The following CCDC88C variants were observed in gnomAD, a reference collection of about 807,000 sequenced individuals.
CCDC88C encodes protein Daple.
In CCDC88C, 131 loss-of-function variants were observed where a neutral mutation model predicts 198.8. That is an observed-to-expected ratio of 0.66 (90% CI 0.57 to 0.76). The LOEUF (loss-of-function observed/expected upper bound fraction) is 0.76, where lower values mean the gene tolerates loss of function less well. Ranked by LOEUF, CCDC88C falls within the 30% of genes least tolerant of loss-of-function variation. The pLI, the probability that CCDC88C is intolerant of heterozygous loss-of-function variation, is 0.00. For missense variants in CCDC88C, 2,553 were observed against 2,631.6 expected (o/e 0.97, Z 0.65); for synonymous variants, 1,166 against 1,114.7 (o/e 1.05, Z -0.92).
At chr14:91,391,930 G>A (rs1021747661) in intron 3 of CCDC88C, among the ~76,000 whole-genome samples, 4 of 151,500 alleles carry the variant, frequency 2.6e-5, no homozygotes, top group South Asian at 2.1e-4. Context: ...TTTTGGAGAC[G>A]GAGTCTTGCT....
At position 91,377,840 on chromosome 14, in the gene CCDC88C, C is replaced by T. The variant is rs117173756; in HGVS notation, c.271-18129G>A. Among the ~76,000 whole-genome samples the T allele has an allele frequency of 2.0e-4, 31 of 152,324 alleles. No individual in the cohort carries two copies. In the East Asian group the frequency reaches 4.6e-3, roughly 23 times the overall value. ...GTGGGGACTGGACCTCCAGCCATTA[C>T]GCTGCAGTGCGTGCAGCAGGAAGGA... is the stretch of plus-strand genomic sequence containing the variant. On this transcript the variant is annotated intron_variant, in intron 3 of 29. Transcript: ENST00000389857.
chr14:91,318,103 C>G (rs956444205), intron 13 of CCDC88C, among the ~76,000 whole-genome samples: 1 of 152,202 alleles, frequency 6.6e-6, no homozygotes, highest in Non-Finnish European at 1.5e-5. Flanking sequence ...ATTTCCCGTG[C>G]TAGGCCCACA....
intron 23 of CCDC88C, 99 bp downstream of exon 23, chr14:91,294,074 C>T (rs1596033658): frequency 7.1e-7 from 1 of 1,414,514 alleles, no homozygotes; most frequent in South Asian, 1.2e-5. Flanking sequence ...CCAACGGGCC[C>T]AGGGGCTCCT....
At chr14:91,301,593 T>G (rs1029932538) in intron 20 of CCDC88C, among the ~76,000 whole-genome samples, 3 of 152,206 alleles carry the variant, frequency 2.0e-5, no homozygotes, top group Non-Finnish European at 2.9e-5. Context: ...GGTGCATGCC[T>G]GTAGTCCCAG....
rs1332825612 is a variant in CCDC88C at position 91,277,988 on chromosome 14, G to T, written c.4992C>A (p.Ser1664=). 5 of 1,566,980 alleles carry T rather than the reference G, an allele frequency of 3.2e-6. No homozygotes were observed. The highest frequency in any genetic ancestry group is 1.4e-5 in the African/African-American group (1 of 73,838). ...PYVGVRPCSA[S]PSSEMVTLEE... is the part of the protein sequence containing the mutation. ...CCAAGGTGACCATCTCACTGCTGGG[G>T]GAGGCCGAGCAGGGCCGCACTCCGA... The change falls in exon 29 of 30, where the codon TCC becomes TCA. Residue 1664 remains serine, a synonymous_variant. Transcript: ENST00000389857.
At chr14:91,329,966 G>A (rs1892747886) in intron 10 of CCDC88C, among the ~76,000 whole-genome samples, 1 of 152,212 alleles carries the variant, frequency 6.6e-6, no homozygotes, top group African/African-American at 2.4e-5. Context: ...CTCCACAGAG[G>A]GAGCACAAAA....
chr14:91,332,593 T>G (rs1406104528), intron 10 of CCDC88C, among the ~76,000 whole-genome samples: 1 of 152,210 alleles, frequency 6.6e-6, no homozygotes, highest in Non-Finnish European at 1.5e-5. Context: ...CTTTACGGGT[T>G]AGACGGGGCA....
chr14:91,402,027 C>A (rs1338978081), intron 3 of CCDC88C, among the ~76,000 whole-genome samples: 1 of 152,174 alleles, frequency 6.6e-6, no homozygotes, highest in Non-Finnish European at 1.5e-5. Flanking sequence ...GTAATCCCAG[C>A]ACTTTGAGAG....
intron 29 of CCDC88C, among the ~76,000 whole-genome samples, chr14:91,274,097 G>A (rs764806628): frequency 6.3e-5 from 8 of 125,988 alleles, no homozygotes; most frequent in African/African-American, 1.5e-4. Flanking sequence ...TTCACCTTGC[G>A]CCACCGAGAG....
chr14:91,305,133 G>A (rs1454370796), intron 19 of CCDC88C, among the ~76,000 whole-genome samples: 1 of 152,184 alleles, frequency 6.6e-6, no homozygotes, highest in African/African-American at 2.4e-5. Flanking sequence ...GGGAGGTGGA[G>A]CTTGCAGTGA....
intron 23 of CCDC88C, 47 bp downstream of exon 23, chr14:91,294,126 C>G (rs1480546211): frequency 6.2e-7 from 1 of 1,606,524 alleles, no homozygotes; most frequent in East Asian, 2.2e-5. Flanking sequence ...TGAGGATGTG[C>G]AGCTGTGGTG....
intron 2 of CCDC88C, among the ~76,000 whole-genome samples, chr14:91,413,266 A>T (rs1290791477): frequency 6.6e-6 from 1 of 152,196 alleles, no homozygotes. Context: ...ACAATGATAG[A>T]CATATGTTAG....
intron 3 of CCDC88C, among the ~76,000 whole-genome samples, chr14:91,397,738 A>C (rs1163391551): frequency 6.6e-6 from 1 of 152,172 alleles, no homozygotes; most frequent in Non-Finnish European, 1.5e-5. Context: ...GCTGGTGTGA[A>C]GCCGGGTTAT....
chr14:91,365,704 C>CTT (rs1193797766), intron 3 of CCDC88C, among the ~76,000 whole-genome samples: 1 of 152,176 alleles, frequency 6.6e-6, no homozygotes, highest in Non-Finnish European at 1.5e-5. Context: ...GACCCCAACT[C>CTT]TGAGTCAACC....
At chr14:91,283,221 C>T (rs1890270824) in intron 26 of CCDC88C, 108 bp downstream of exon 26, 3 of 1,137,878 alleles carry the variant, frequency 2.6e-6, no homozygotes, top group East Asian at 5.1e-5. Context: ...CTACTCACCA[C>T]CTCTCAGACT....
At chr14:91,346,612 A>G (rs1365114731) in intron 4 of CCDC88C, among the ~76,000 whole-genome samples, 1 of 152,144 alleles carries the variant, frequency 6.6e-6, no homozygotes, top group Non-Finnish European at 1.5e-5. Context: ...AGTTTCGATA[A>G]AGAGAAAAGG....
At chr14:91,410,309 T>A (rs888285625) in intron 2 of CCDC88C, among the ~76,000 whole-genome samples, 1 of 152,164 alleles carries the variant, frequency 6.6e-6, no homozygotes, top group Admixed American at 6.5e-5. Flanking sequence ...GAGCCTGTCT[T>A]CACAGTTTCT....
Position 91,381,443 on chromosome 14 carries a change from A to G in CCDC88C, c.271-21732T>C, listed in dbSNP as rs1362702351. ...TGCATCCTCTTCCTGCTACTGAAGA[A>G]AAATGCTTTAAAACTTGACCCAAGA... On this transcript the variant is annotated intron_variant, in intron 3 of 29. Transcript: ENST00000389857. This position sits in a 1 kb window ranked among gnomAD's most constrained non-coding sequence, Gnocchi z 4.2. 6.6e-6 allele frequency among the ~76,000 whole-genome samples: 1 copy of G among 152,226 alleles called. No individual in the cohort carries two copies. The highest frequency in any genetic ancestry group is 1.9e-4 in the East Asian group (1 of 5,196).
Position 91,278,046 on chromosome 14 carries a change from C to G in CCDC88C, c.4934G>C (p.Gly1645Ala). ...LPRNGPLPQE[G>A]AQKRGTAPPY... is the part of the protein sequence containing the mutation. Reference sequence around the variant, plus strand: ...AGGGGCTGTGCCCCTCTTCTGGGCACCCTCCTGTGGGAGAGGCCCGTTCCG... The same window carrying G: ...AGGGGCTGTGCCCCTCTTCTGGGCAGCCTCCTGTGGGAGAGGCCCGTTCCG... The change falls in exon 29 of 30, where the codon GGT (glycine) becomes GCT (alanine). Residue 1645 changes from glycine to alanine, a missense_variant. Coordinates refer to ENST00000389857, the MANE Select transcript of CCDC88C (RefSeq NM_001080414.4). 6.2e-7 allele frequency: 1 copy of G among 1,608,770 alleles called. No individual in the cohort carries two copies. Among genetic ancestry groups the G allele is most frequent in the Non-Finnish European group, 8.5e-7 (1 of 1,177,734 alleles).
Sources: allele counts gnomAD v4.1 joint callset (sites outside exome capture counted in the v4.1 genomes callset), GRCh38; gene constraint gnomAD v4.1.1; non-coding constraint Gnocchi (gnomAD v3.1); transcripts MANE v1.5; gene names NCBI Gene and HGNC (gene_info 2026-07-23, HGNC 2026-07-21).